ADGRG7: variants seen among roughly 807,000 people sequenced by gnomAD.
ADGRG7 encodes adhesion G protein-coupled receptor G7, also known as G-protein coupled receptor 128.
A neutral mutation model predicts 88.6 loss-of-function variants in ADGRG7; 82 were observed. The ratio of observed to expected loss-of-function variants is 0.93; its 90% CI spans 0.77 to 1.11. The LOEUF (loss-of-function observed/expected upper bound fraction) is 1.11. Among genes scored for constraint, ADGRG7 ranks in the 50% most tolerant of loss-of-function variants. ADGRG7 has a pLI of 0.00. For missense variants in ADGRG7, 945 were observed against 953.4 expected (o/e 0.99, Z 0.12); for synonymous variants, 381 against 345.2 (o/e 1.10, Z -1.15).
At chr3:100,687,868 G>C (rs1450489934) in intron 15 of ADGRG7, among the ~76,000 whole-genome samples, 3 of 152,108 alleles carry the variant, frequency 2.0e-5, no homozygotes, top group African/African-American at 7.2e-5. Flanking sequence ...CCAGGCTTTG[G>C]TATCAGGATG....
At position 100,626,884 on chromosome 3, in the gene ADGRG7, A is replaced by G. The variant is rs1415640179; in HGVS notation, c.116-2714A>G. ...ATTTTTGATGCTATTTTAAATGAAAATGATTTATGCTTTTATATTTCAATT... is the reference window on the plus strand; with the variant it reads ...ATTTTTGATGCTATTTTAAATGAAAGTGATTTATGCTTTTATATTTCAATT... On this transcript the variant is annotated intron_variant, in intron 1 of 15. Coordinates refer to ENST00000273352, the MANE Select transcript of ADGRG7 (RefSeq NM_032787.3). Among the ~76,000 whole-genome samples, 5 of 152,226 alleles carry G rather than the reference A, an allele frequency of 3.3e-5. No homozygotes were observed. The East Asian group carries it at 9.6e-4, about 29-fold the overall frequency.
At chr3:100,625,923 C>T (rs981257173) in intron 1 of ADGRG7, among the ~76,000 whole-genome samples, 61 of 151,484 alleles carry the variant, frequency 4.0e-4, no homozygotes, top group African/African-American at 1.3e-3. Context: ...CTGCTGGATT[C>T]GGTTTTTGCA....
intron 1 of ADGRG7, among the ~76,000 whole-genome samples, chr3:100,622,212 A>G (rs775666168): frequency 4.7e-4 from 71 of 150,422 alleles, no homozygotes; most frequent in Non-Finnish European, 8.7e-4. Context: ...CGTTAGATCT[A>G]TGATTCATTT....
intron 1 of ADGRG7, among the ~76,000 whole-genome samples, chr3:100,619,131 T>C (rs1334629440): frequency 2.0e-5 from 3 of 152,128 alleles, no homozygotes; most frequent in African/African-American, 7.2e-5. Context: ...GACTATGGGG[T>C]TTTCTAGATA....
At chr3:100,683,837 T>C (rs1303655180) in intron 15 of ADGRG7, among the ~76,000 whole-genome samples, 1 of 152,258 alleles carries the variant, frequency 6.6e-6, no homozygotes, top group Non-Finnish European at 1.5e-5. Flanking sequence ...TATTTTTTTA[T>C]AAAACCTCAT....
intron 10 of ADGRG7, among the ~76,000 whole-genome samples, 174 bp downstream of exon 10, chr3:100,646,898 G>A (rs1028035311): frequency 3.9e-5 from 6 of 152,150 alleles, no homozygotes; most frequent in East Asian, 1.9e-4. Flanking sequence ...GGTGGCTCAC[G>A]CCTGTAACCC....
chr3:100,671,610 T>TCC (rs1559687471), intron 15 of ADGRG7, among the ~76,000 whole-genome samples: 5 of 152,258 alleles, frequency 3.3e-5, no homozygotes, highest in Admixed American at 2.0e-4. Context: ...TTTTGGTGTT[T>TCC]TAGTCATGAA....
chr3:100,663,648 A>T (rs2149032711), intron 14 of ADGRG7, among the ~76,000 whole-genome samples: 1 of 152,114 alleles, frequency 6.6e-6, no homozygotes, highest in East Asian at 1.9e-4. Flanking sequence ...AAACCTCAAA[A>T]ATAAAATACA....
chr3:100,659,674 T>G lies in ADGRG7; in HGVS notation c.1824-14T>G. The G allele has an allele frequency of 1.9e-6, 3 of 1,611,338 alleles. No individual in the cohort carries two copies. The highest frequency in any genetic ancestry group is 2.5e-6 in the Non-Finnish European group (3 of 1,179,058). On this transcript the variant is annotated splice_polypyrimidine_tract_variant and intron_variant, in intron 13 of 15. Coordinates refer to ENST00000273352, the MANE Select transcript of ADGRG7 (RefSeq NM_032787.3). ...TTCTTAGTCTGCTGAAGCAATTTTTTTTTTCCTCCACAGCTGCTGGCTGGC... is the reference window on the plus strand; with the variant it reads ...TTCTTAGTCTGCTGAAGCAATTTTTGTTTTCCTCCACAGCTGCTGGCTGGC...
In ADGRG7 at chr3:100,635,660, T is replaced by C. The variant is rs748298240; in HGVS notation, c.448-17T>C. ...AATTGTGTAAAGCTAGGGTTTTTTT[T>C]CTGGTTTTTAAAACAGGTAAAGGAT... is the stretch of plus-strand genomic sequence containing the variant. On this transcript the variant is annotated splice_polypyrimidine_tract_variant and intron_variant, in intron 4 of 15. Coordinates refer to ENST00000273352, the MANE Select transcript of ADGRG7 (RefSeq NM_032787.3). The C allele has an allele frequency of 9.3e-6, 15 of 1,606,554 alleles. No homozygotes were observed. The Middle Eastern group carries it at 1.0e-3, about 107-fold the overall frequency.
chr3:100,611,691 A>G (rs1454572961), intron 1 of ADGRG7, among the ~76,000 whole-genome samples: 2 of 152,224 alleles, frequency 1.3e-5, no homozygotes, highest in African/African-American at 4.8e-5. Flanking sequence ...CTGTTTATAT[A>G]AGGGTCATCT....
intron 11 of ADGRG7, 84 bp downstream of exon 11, chr3:100,649,891 T>C: frequency 1.4e-6 from 1 of 729,086 alleles, no homozygotes; most frequent in Non-Finnish European, 2.3e-6. Flanking sequence ...AGTAGTGTCT[T>C]TGAACTAGGC....
chr3:100,650,424 C>T (rs9815399), intron 11 of ADGRG7, among the ~76,000 whole-genome samples: 1,832 of 152,118 alleles, frequency 0.012, 35 homozygotes, highest in African/African-American at 0.041. Context: ...TAATTTACTC[C>T]GTTTACTGTG....
intron 15 of ADGRG7, among the ~76,000 whole-genome samples, chr3:100,682,271 G>A (rs1011444322): frequency 6.6e-6 from 1 of 152,162 alleles, no homozygotes; most frequent in African/African-American, 2.4e-5. Context: ...AGCAGAGAGG[G>A]TCCCCAGGAG....
At chr3:100,617,038 T>G (rs989325054) in intron 1 of ADGRG7, among the ~76,000 whole-genome samples, 2 of 152,080 alleles carry the variant, frequency 1.3e-5, no homozygotes, top group Non-Finnish European at 2.9e-5. Flanking sequence ...AAGCAACTCT[T>G]AAAGAAGTAA....
At chr3:100,612,865 CATAG>C (rs1282669773) in intron 1 of ADGRG7, among the ~76,000 whole-genome samples, 1 of 152,122 alleles carries the variant, frequency 6.6e-6, no homozygotes. Context: ...GGTCTGACTT[CATAG>C]CATTGATAAT....
chr3:100,628,986 C>G (rs963159342), intron 1 of ADGRG7, among the ~76,000 whole-genome samples: 1 of 152,048 alleles, frequency 6.6e-6, no homozygotes, highest in East Asian at 1.9e-4. Flanking sequence ...TTATAAAGTC[C>G]CTTCCAATTG....
At chr3:100,618,378 T>G (rs1365333949) in intron 1 of ADGRG7, among the ~76,000 whole-genome samples, 2 of 152,230 alleles carry the variant, frequency 1.3e-5, no homozygotes, top group Non-Finnish European at 2.9e-5. Context: ...TAATCCATCT[T>G]GAATTAATTT....
At chr3:100,658,824 T>C (rs1383187130) in intron 13 of ADGRG7, among the ~76,000 whole-genome samples, 1 of 152,240 alleles carries the variant, frequency 6.6e-6, no homozygotes, top group Non-Finnish European at 1.5e-5. Context: ...TTTTATCTAT[T>C]TCTCTGCACT....
Sources: gnomAD v4.1 joint callset for allele counts (sites outside exome capture counted in the v4.1 genomes callset) on GRCh38, gnomAD v4.1.1 for gene constraint, MANE v1.5 for transcripts, NCBI Gene and HGNC (gene_info 2026-07-23, HGNC 2026-07-21) for gene names.